KHDRBS3: variants seen among roughly 807,000 people sequenced by gnomAD.
KHDRBS3 encodes KH RNA binding domain containing, signal transduction associated 3, also known as KH domain-containing, RNA-binding, signal transduction-associated protein 3.
In KHDRBS3, 23 loss-of-function variants were observed where a neutral mutation model predicts 45.6. That is an observed-to-expected ratio of 0.50 (90% CI 0.36 to 0.72). The LOEUF (loss-of-function observed/expected upper bound fraction) is 0.72, where lower values mean the gene tolerates loss of function less well. Among genes scored for constraint, KHDRBS3 ranks in the 30% least tolerant of loss-of-function variants. The pLI is 0.00. For synonymous variants in KHDRBS3, 162 were observed against 156.5 expected, an observed-to-expected ratio of 1.04 and a Z score of -0.26; for missense variants, 352 against 424.8, an observed-to-expected ratio of 0.83 and a Z score of 1.51.
intron 5 of KHDRBS3, among the ~76,000 whole-genome samples, chr8:135,576,669 A>T (rs1827959135): frequency 6.6e-6 from 1 of 152,140 alleles, no homozygotes; most frequent in Admixed American, 6.5e-5. Context: ...TCCTAAAATC[A>T]GTCATTTCTC....
chr8:135,623,404 C>T (rs1442012714), intron 7 of KHDRBS3, among the ~76,000 whole-genome samples: 1 of 152,134 alleles, frequency 6.6e-6, no homozygotes, highest in Non-Finnish European at 1.5e-5. Flanking sequence ...CACAGTAAAC[C>T]TTATGAAACC....
At chr8:135,569,655 T>G (rs1005056242) in intron 5 of KHDRBS3, among the ~76,000 whole-genome samples, 41 of 152,206 alleles carry the variant, frequency 2.7e-4, no homozygotes, top group African/African-American at 9.4e-4. Flanking sequence ...CGTGTGAATC[T>G]ACTTAGAAGG....
chr8:135,536,994 AAAAGGAG>A (rs1563751895), intron 2 of KHDRBS3, among the ~76,000 whole-genome samples: 3 of 20,798 alleles, frequency 1.4e-4, no homozygotes, highest in Admixed American at 6.0e-4. Context: ...AAAAAAAAAA[AAAAGGAG>A]ATGTTTAGGA....
chr8:135,476,688 C>T (rs1306362947), intron 1 of KHDRBS3, among the ~76,000 whole-genome samples: 1 of 152,168 alleles, frequency 6.6e-6, no homozygotes, highest in Non-Finnish European at 1.5e-5. Flanking sequence ...AACTAACTCT[C>T]AAGGTTATGT....
chr8:135,649,087 T>A (rs557325237), downstream of KHDRBS3, among the ~76,000 whole-genome samples: 1 of 152,288 alleles, frequency 6.6e-6, no homozygotes, highest in African/African-American at 2.4e-5. Flanking sequence ...ATGATAAGTA[T>A]TATAAAATGT....
intron 7 of KHDRBS3, among the ~76,000 whole-genome samples, chr8:135,638,704 C>T (rs1477905561): frequency 6.6e-6 from 1 of 152,182 alleles, no homozygotes; most frequent in African/African-American, 2.4e-5. Flanking sequence ...AATCCCAGCA[C>T]TTTGGGAGGC....
At chr8:135,581,575 T>G (rs906130630) in intron 5 of KHDRBS3, among the ~76,000 whole-genome samples, 1 of 152,200 alleles carries the variant, frequency 6.6e-6, no homozygotes, top group African/African-American at 2.4e-5. Context: ...AATCCTGGCA[T>G]GGCATTATAT....
At position 135,613,412 on chromosome 8, in the gene KHDRBS3, G is replaced by A. The variant is rs768553204; in HGVS notation, c.890+6375G>A. On this transcript the variant is annotated intron_variant, in intron 7 of 8. Coordinates refer to ENST00000355849, the MANE Select transcript of KHDRBS3 (RefSeq NM_006558.3). Reference sequence around the variant, plus strand: ...GTGAGAACAGTGTAAAAAGATTCTCGTTTAGAGGGCCGGCCTGAAGGCTGA... The same window carrying A: ...GTGAGAACAGTGTAAAAAGATTCTCATTTAGAGGGCCGGCCTGAAGGCTGA... 2.4e-4 allele frequency among the ~76,000 whole-genome samples: 36 copies of A among 151,702 alleles called. 1 individual carries two copies. The highest frequency in any genetic ancestry group is 7.2e-4 in the Admixed American group (11 of 15,248).
At chr8:135,471,816 C>G (rs737062) in intron 1 of KHDRBS3, among the ~76,000 whole-genome samples, 1,547 of 152,360 alleles carry the variant, frequency 0.01, 20 homozygotes, top group African/African-American at 0.033. Flanking sequence ...CGCTCGCTCT[C>G]TGTGTGCCAG....
intron 7 of KHDRBS3, among the ~76,000 whole-genome samples, chr8:135,619,314 T>A (rs1830042502): frequency 6.6e-6 from 1 of 152,116 alleles, no homozygotes; most frequent in Non-Finnish European, 1.5e-5. Flanking sequence ...AAATAGTTTA[T>A]CAAAAGTATT....
chr8:135,594,032 G>A (rs996149608), intron 6 of KHDRBS3, among the ~76,000 whole-genome samples: 2 of 152,172 alleles, frequency 1.3e-5, no homozygotes, highest in African/African-American at 4.8e-5. Context: ...GGATCTTAGT[G>A]TGCTGCAGTC....
chr8:135,628,147 C>T (rs982291359), intron 7 of KHDRBS3, among the ~76,000 whole-genome samples: 1 of 151,926 alleles, frequency 6.6e-6, no homozygotes, highest in Admixed American at 6.6e-5. Context: ...CTCATGTCCC[C>T]CAAAACTGGT....
At chr8:135,649,027 T>G (rs971001124), downstream of KHDRBS3, among the ~76,000 whole-genome samples, 3 of 152,186 alleles carry the variant, frequency 2.0e-5, no homozygotes, top group African/African-American at 7.2e-5. Context: ...AGTATTTATC[T>G]TAGTCTTATG....
chr8:135,500,259 C>CT (rs879776294), intron 1 of KHDRBS3, among the ~76,000 whole-genome samples: 2,673 of 143,786 alleles, frequency 0.019, 67 homozygotes, highest in African/African-American at 0.062. Flanking sequence ...TAGTTTGGTT[C>CT]TTTTTTTTTT....
chr8:135,647,978 G>C (rs1371639129), downstream of KHDRBS3: 1 of 152,146 alleles, frequency 6.6e-6, no homozygotes, highest in Non-Finnish European at 1.5e-5. Flanking sequence ...TTTTTTATGA[G>C]AATTTTGGTA....
intron 1 of KHDRBS3, among the ~76,000 whole-genome samples, chr8:135,474,408 G>A (rs1034017860): frequency 2.0e-5 from 3 of 152,214 alleles, no homozygotes; most frequent in African/African-American, 7.2e-5. Flanking sequence ...TATGCAGTAT[G>A]TCTTGTTTAG....
intron 1 of KHDRBS3, among the ~76,000 whole-genome samples, chr8:135,460,045 T>C (rs1358531884): frequency 6.6e-6 from 1 of 152,244 alleles, no homozygotes; most frequent in Non-Finnish European, 1.5e-5. Flanking sequence ...AATGCAGAGC[T>C]TTATCATTTA....
chr8:135,536,262 T>TTTA (rs1491256544), intron 2 of KHDRBS3, among the ~76,000 whole-genome samples: 2,559 of 98,544 alleles, frequency 0.026, 43 homozygotes, highest in African/African-American at 0.032. Flanking sequence ...TTTTTTTTTT[T>TTTA]ATTATTGTTT....
At position 135,557,540 on chromosome 8, in the gene KHDRBS3, G is replaced by A. The variant is rs566930871; in HGVS notation, c.564G>A (p.Gly188=). The A allele has an allele frequency of 1.9e-6, 3 of 1,613,062 alleles. No homozygotes were observed. The highest frequency in any genetic ancestry group is 2.7e-5 in the African/African-American group (2 of 75,010). ...ATGCAGATGTTCCAGTGGTTCGAGG[G>A]AAACCCACCTTGCGTACAAGAGGTG... ...SENADVPVVR[G]KPTLRTRGVP... The change falls in exon 5 of 9, where the codon GGG becomes GGA. Residue 188 remains glycine (G), a synonymous_variant. Coordinates refer to ENST00000355849, the MANE Select transcript of KHDRBS3 (RefSeq NM_006558.3).
Sources: allele counts gnomAD v4.1 joint callset (sites outside exome capture counted in the v4.1 genomes callset), GRCh38; gene constraint gnomAD v4.1.1; transcripts MANE v1.5; gene names NCBI Gene and HGNC (gene_info 2026-07-23, HGNC 2026-07-21).